Variants in EML5 observed in about 807,000 individuals in gnomAD.
EML5 encodes the protein EMAP like 5.
In EML5, 120 loss-of-function variants were observed where a neutral mutation model predicts 250.0. That is an observed-to-expected ratio of 0.48 (90% CI 0.41 to 0.56). The LOEUF (loss-of-function observed/expected upper bound fraction) is 0.56, where lower values mean the gene tolerates loss of function less well. Ranked by LOEUF, EML5 falls within the 20% of genes least tolerant of loss-of-function variation. The pLI is 0.00. For synonymous variants in EML5, 771 were observed against 806.5 expected, an observed-to-expected ratio of 0.96 and a Z score of 0.75; for missense variants, 2,006 against 2,437.6, an observed-to-expected ratio of 0.82 and a Z score of 3.73.
chr14:88,772,545 G>A (rs1241011271), intron 1 of EML5, among the ~76,000 whole-genome samples: 1 of 152,162 alleles, frequency 6.6e-6, no homozygotes, highest in African/African-American at 2.4e-5. Flanking sequence ...ACGAGGTCAG[G>A]AGTTCAAGAC....
intron 2 of EML5, among the ~76,000 whole-genome samples, chr14:88,750,510 T>C (rs943526165): frequency 1.3e-5 from 2 of 152,296 alleles, no homozygotes; most frequent in East Asian, 3.9e-4. Context: ...GCCTGGTATA[T>C]GACTGATGTT....
chr14:88,759,797 G>A (rs535138711), intron 1 of EML5, among the ~76,000 whole-genome samples: 1 of 151,782 alleles, frequency 6.6e-6, no homozygotes, highest in African/African-American at 2.4e-5. Flanking sequence ...AGAGAAAAAG[G>A]ATAGGGTGGG....
At position 88,697,806 on chromosome 14, in the gene EML5, G is replaced by C. The variant is rs185211107; in HGVS notation, c.2239-854C>G. ...GCTGGAGTGCAATGGCGCTATCTCG[G>C]CTCACCGCAACCTCCACCTCCTGGG... On this transcript the variant is annotated intron_variant, in intron 14 of 43. Coordinates refer to ENST00000554922, the MANE Select transcript of EML5 (RefSeq NM_183387.3). Among the ~76,000 whole-genome samples the C allele has an allele frequency of 1.5e-3, 230 of 152,124 alleles. 1 individual carries two copies. The highest frequency in any genetic ancestry group is 4.5e-3 in the African/African-American group (188 of 41,480).
At position 88,792,248 on chromosome 14, in the gene EML5, G is replaced by A. The variant is rs929652728; in HGVS notation, c.197+59C>T. On this transcript the variant is annotated intron_variant, in intron 1 of 43. Coordinates refer to ENST00000554922, the MANE Select transcript of EML5 (RefSeq NM_183387.3). This position sits in a 1 kb window ranked among gnomAD's most constrained non-coding sequence, Gnocchi z 6.9. ...GGTCACGGCGTCCAGAGGAACCCGC[G>A]GGTGCAAACTCCGGGAGCGGCTTGC... The A allele has an allele frequency of 6.6e-7, 1 of 1,523,702 alleles. No homozygotes were observed. Among genetic ancestry groups the A allele is most frequent in the South Asian group, 1.2e-5 (1 of 81,692 alleles). 94.4% of individuals were successfully genotyped at this position (1,523,702 alleles called of 1,614,324 possible).
At chr14:88,784,657 A>T (rs1004977084) in intron 1 of EML5, among the ~76,000 whole-genome samples, 1 of 152,340 alleles carries the variant, frequency 6.6e-6, no homozygotes, top group East Asian at 1.9e-4. Flanking sequence ...ATTCCAAATC[A>T]AAACTACAAT....
At chr14:88,738,019 T>C (rs2093871341) in intron 6 of EML5, among the ~76,000 whole-genome samples, 1 of 152,184 alleles carries the variant, frequency 6.6e-6, no homozygotes, top group African/African-American at 2.4e-5. Context: ...ACCGTGTTTT[T>C]CAGTTTTCTC....
intron 2 of EML5, 110 bp downstream of exon 2, chr14:88,754,402 G>T: frequency 1.9e-6 from 2 of 1,059,696 alleles, no homozygotes; most frequent in Non-Finnish European, 2.5e-6. Flanking sequence ...CTCCACCTTT[G>T]GACAAATAAT....
intron 25 of EML5, among the ~76,000 whole-genome samples, chr14:88,659,236 ACT>A (rs201392863): frequency 0.011 from 1,581 of 148,662 alleles, 15 homozygotes; most frequent in Non-Finnish European, 0.014. Context: ...AGGAATGACG[ACT>A]CTCTTTTTTT....
At chr14:88,705,102 A>T in intron 12 of EML5, 124 bp from the exon 13 acceptor site, 1 of 648,998 alleles carries the variant, frequency 1.5e-6, no homozygotes, top group Admixed American at 3.2e-5. Context: ...TCTTAAATGA[A>T]AAGTTAATTC....
chr14:88,722,239 T>C (rs994367653), intron 8 of EML5, among the ~76,000 whole-genome samples: 7 of 152,210 alleles, frequency 4.6e-5, no homozygotes, highest in Non-Finnish European at 2.9e-5. Flanking sequence ...AGAAATACCA[T>C]TTGTCCCAGC....
At chr14:88,621,412 G>C in intron 37 of EML5, 111 bp from the exon 38 acceptor site, 3 of 1,289,120 alleles carry the variant, frequency 2.3e-6, no homozygotes, top group Non-Finnish European at 3.3e-6. Context: ...TTTGCTTTGA[G>C]CTAATCTAGT....
At position 88,657,490 on chromosome 14, in the gene EML5, T is replaced by C. The variant is rs1419484750; in HGVS notation, c.3890A>G (p.Asp1297Gly). The C allele has an allele frequency of 6.2e-7, 1 of 1,605,584 alleles. No individual in the cohort carries two copies. Among genetic ancestry groups the C allele is most frequent in the Non-Finnish European group, 8.5e-7 (1 of 1,176,174 alleles). ...DSEEDGGYDS[D>G]VTRENEISYT... ...ACTGATTTCATTCTCCCTTGTAACATCACTGTCATAGCCTACAATAAAAAT... is the reference window on the plus strand; with the variant it reads ...ACTGATTTCATTCTCCCTTGTAACACCACTGTCATAGCCTACAATAAAAAT... Residue 1297 changes from aspartate to glycine, a missense_variant, in exon 27 of 44, where the codon GAT becomes GGT. Asp to Gly is a moderately conservative substitution (Grantham distance 94). Coordinates refer to ENST00000554922, the MANE Select transcript of EML5 (RefSeq NM_183387.3).
intron 7 of EML5, among the ~76,000 whole-genome samples, chr14:88,734,027 T>G (rs1417914489): frequency 6.7e-6 from 1 of 149,932 alleles, no homozygotes; most frequent in African/African-American, 2.4e-5. Context: ...AAAAAGCAAG[T>G]AACAAACTAT....
intron 27 of EML5, among the ~76,000 whole-genome samples, chr14:88,654,459 A>G (rs974027842): frequency 1.3e-5 from 2 of 152,162 alleles, no homozygotes; most frequent in African/African-American, 4.8e-5. Context: ...GCTGTGTCCC[A>G]GAGATTCTGG....
At chr14:88,662,729 G>A (rs1184962640) in intron 24 of EML5, among the ~76,000 whole-genome samples, 1 of 151,518 alleles carries the variant, frequency 6.6e-6, no homozygotes, top group Non-Finnish European at 1.5e-5. Context: ...TTTTTTTGTA[G>A]AGATGGGGTT....
chr14:88,747,420 G>A lies in EML5; in HGVS notation c.358-1137C>T, dbSNP rs116263204. The stretch of plus-strand genomic sequence containing the variant: ...GAGAGAGACTCTGTCTCAAAAAATA[G>A]TAATAATAAGCTGAAAAAATAAACA... On this transcript the variant is annotated intron_variant, in intron 2 of 43. Coordinates refer to ENST00000554922, the MANE Select transcript of EML5 (RefSeq NM_183387.3). Among the ~76,000 whole-genome samples, 858 of 151,682 alleles carry A rather than the reference G, an allele frequency of 5.7e-3. 7 individuals are homozygous for A. Among genetic ancestry groups the A allele is most frequent in the African/African-American group, 0.02 (827 of 41,382 alleles).
At chr14:88,780,328 A>T (rs916087677) in intron 1 of EML5, among the ~76,000 whole-genome samples, 1 of 152,178 alleles carries the variant, frequency 6.6e-6, no homozygotes, top group Non-Finnish European at 1.5e-5. Flanking sequence ...ATATTTGTAT[A>T]GCAAACAGAC....
rs559491033 is a variant in EML5 at position 88,776,989 on chromosome 14, T to G, written c.197+15318A>C. Among the ~76,000 whole-genome samples the G allele has an allele frequency of 3.3e-5, 5 of 152,160 alleles. No homozygotes were observed. The East Asian group carries it at 9.6e-4, about 29-fold the overall frequency. ...GGAGTTACTGGCCTTAAAGAGGAGC[T>G]AGATAAAGAGACAGGAGTAGAAAGG... On this transcript the variant is annotated intron_variant, in intron 1 of 43. Transcript: ENST00000554922.
intron 14 of EML5, among the ~76,000 whole-genome samples, chr14:88,697,366 T>A (rs1019027899): frequency 6.6e-6 from 1 of 152,194 alleles, no homozygotes; most frequent in Non-Finnish European, 1.5e-5. Context: ...ATGAAAAGGC[T>A]GTGCAGAATG....
Sources: gnomAD v4.1 joint callset for allele counts (sites outside exome capture counted in the v4.1 genomes callset) on GRCh38, gnomAD v4.1.1 for gene constraint, Gnocchi (gnomAD v3.1) non-coding constraint, MANE v1.5 for transcripts, NCBI Gene and HGNC (gene_info 2026-07-23, HGNC 2026-07-21) for gene names.